Variants in DENND1A observed in about 807,000 individuals in gnomAD.
DENND1A encodes the protein DENN domain containing 1A.
DENND1A carries 51 observed loss-of-function variants against 113.7 expected under a neutral mutation model. That is an observed-to-expected ratio of 0.45 (90% CI 0.36 to 0.57). The LOEUF (loss-of-function observed/expected upper bound fraction) is 0.57, where lower values mean the gene tolerates loss of function less well. Among genes scored for constraint, DENND1A ranks in the 20% least tolerant of loss-of-function variants. DENND1A has a pLI of 0.00. For synonymous variants in DENND1A, 565 were observed against 570.8 expected (o/e 0.99, Z 0.14); for missense variants, 1,258 against 1,395.9 (o/e 0.90, Z 1.57).
chr9:123,465,650 T>A (rs2133201124), intron 13 of DENND1A, among the ~76,000 whole-genome samples: 1 of 152,314 alleles, frequency 6.6e-6, no homozygotes, highest in East Asian at 1.9e-4. Flanking sequence ...GCTGGCAACA[T>A]AATATGCAAG....
At chr9:123,707,402 G>GA (rs111625198) in intron 5 of DENND1A, among the ~76,000 whole-genome samples, 15,481 of 136,574 alleles carry the variant, frequency 0.11, 989 homozygotes, top group African/African-American at 0.19. Flanking sequence ...TCTCAAAAAG[G>GA]AAAAAAAAAA....
chr9:123,386,912 A>G (rs915381348), intron 22 of DENND1A, among the ~76,000 whole-genome samples: 1 of 152,168 alleles, frequency 6.6e-6, no homozygotes, highest in Non-Finnish European at 1.5e-5. Context: ...GACATGAGGG[A>G]GAGGGAGGGA....
intron 4 of DENND1A, among the ~76,000 whole-genome samples, chr9:123,761,668 G>T (rs896212819): frequency 1.3e-5 from 2 of 152,158 alleles, no homozygotes; most frequent in Non-Finnish European, 2.9e-5. Flanking sequence ...GGGTGAAGTA[G>T]AAGTCGACAA....
In DENND1A at chr9:123,448,509, C is replaced by T. The variant is rs921531429; in HGVS notation, c.1356+2184G>A. Among the ~76,000 whole-genome samples, 4 of 152,302 alleles carry T rather than the reference C, an allele frequency of 2.6e-5. No homozygotes were observed. In the East Asian group the frequency reaches 5.8e-4, roughly 22 times the overall value. On this transcript the variant is annotated intron_variant, in intron 18 of 23. Coordinates refer to ENST00000394215, the MANE Select transcript of DENND1A (RefSeq NM_001352964.2). Reference sequence around the variant, plus strand: ...GGATATTCTGATACCAACGAGCCTACGATCCAGGCATCAAGGAGGGAAAAC... The same window carrying T: ...GGATATTCTGATACCAACGAGCCTATGATCCAGGCATCAAGGAGGGAAAAC...
intron 11 of DENND1A, among the ~76,000 whole-genome samples, chr9:123,592,254 A>C (rs548729578): frequency 6.6e-6 from 1 of 152,366 alleles, no homozygotes; most frequent in African/African-American, 2.4e-5. Context: ...TTCAGAACAA[A>C]GGAAAATGCG....
intron 5 of DENND1A, among the ~76,000 whole-genome samples, chr9:123,724,687 A>G (rs1220179752): frequency 1.3e-5 from 2 of 150,018 alleles, no homozygotes; most frequent in African/African-American, 2.5e-5. Flanking sequence ...ACAGAAGCCA[A>G]ACCATAACCT....
At chr9:123,503,089 G>A (rs571435981) in intron 13 of DENND1A, among the ~76,000 whole-genome samples, 2 of 152,116 alleles carry the variant, frequency 1.3e-5, no homozygotes, top group Non-Finnish European at 2.9e-5. Context: ...ATTATGTCAG[G>A]TGCTTCACAT....
At chr9:123,562,129 C>T (rs2057792224) in intron 12 of DENND1A, among the ~76,000 whole-genome samples, 1 of 152,118 alleles carries the variant, frequency 6.6e-6, no homozygotes, top group Non-Finnish European at 1.5e-5. Flanking sequence ...CCCTTCGGTG[C>T]CCCCGCCCTT....
chr9:123,382,090 G>T lies in DENND1A; in HGVS notation c.2555C>A (p.Thr852Lys). The change falls in exon 24 of 24, where the codon ACA (threonine) becomes AAA (lysine). Residue 852 changes from threonine (T) to lysine (K), a missense_variant. Physicochemically the swap from Thr to Lys is moderately conservative, Grantham distance 78 (BLOSUM62 -1). Around this residue, in one of 2 missense-constraint regions of DENND1A, gnomAD observed 1,159 missense variants for 1,231.7 expected, o/e 0.94. Coordinates refer to ENST00000394215, the MANE Select transcript of DENND1A (RefSeq NM_001352964.2). ...ALLALLDPLS[T>K]AWSGSTLPSR... Reference sequence around the variant, plus strand: ...CGGGAGGGTGCTGCCTGACCAGGCTGTGCTGAGCGGGTCCAGGAGGGCGAG... The same window carrying T: ...CGGGAGGGTGCTGCCTGACCAGGCTTTGCTGAGCGGGTCCAGGAGGGCGAG... The T allele has an allele frequency of 1.9e-6, 3 of 1,545,430 alleles. No individual in the cohort carries two copies. The highest frequency in any genetic ancestry group is 2.6e-6 in the Non-Finnish European group (3 of 1,147,106).
chr9:123,774,489 T>C (rs1830184619), intron 3 of DENND1A, among the ~76,000 whole-genome samples: 1 of 152,172 alleles, frequency 6.6e-6, no homozygotes, highest in South Asian at 2.1e-4. Context: ...AATAAAATTT[T>C]TCTCCTTCAC....
At chr9:123,689,479 G>A (rs2140352638) in intron 5 of DENND1A, among the ~76,000 whole-genome samples, 1 of 152,234 alleles carries the variant, frequency 6.6e-6, no homozygotes, top group South Asian at 2.1e-4. Context: ...TAAATATTGT[G>A]ACAATTTTTT....
chr9:123,617,651 A>G (rs1048160434), intron 10 of DENND1A, among the ~76,000 whole-genome samples: 1 of 152,342 alleles, frequency 6.6e-6, no homozygotes, highest in East Asian at 1.9e-4. Context: ...GGAAGGCGAC[A>G]GACTCGGAAA....
At chr9:123,674,907 C>A (rs934587347) in intron 6 of DENND1A, among the ~76,000 whole-genome samples, 2 of 149,328 alleles carry the variant, frequency 1.3e-5, no homozygotes, top group Non-Finnish European at 3.0e-5. Context: ...CCAATTCAAA[C>A]CTGTTAAGAG....
intron 3 of DENND1A, among the ~76,000 whole-genome samples, chr9:123,791,665 G>T (rs1232269850): frequency 6.6e-6 from 1 of 151,754 alleles, no homozygotes; most frequent in Non-Finnish European, 1.5e-5. Flanking sequence ...CACTGTACTG[G>T]GTATTTCTAT....
At chr9:123,622,217 A>G (rs1194154704) in intron 10 of DENND1A, among the ~76,000 whole-genome samples, 1 of 152,224 alleles carries the variant, frequency 6.6e-6, no homozygotes, top group Non-Finnish European at 1.5e-5. Flanking sequence ...CCTTTGGGGG[A>G]AAAGCATGAG....
At chr9:123,876,016 C>T (rs1294027569) in intron 2 of DENND1A, among the ~76,000 whole-genome samples, 1 of 152,190 alleles carries the variant, frequency 6.6e-6, no homozygotes, top group East Asian at 1.9e-4. Flanking sequence ...TTAAACTATA[C>T]ATATGTTTTA....
intron 12 of DENND1A, among the ~76,000 whole-genome samples, chr9:123,558,584 G>T (rs917111521): frequency 3.9e-5 from 6 of 152,190 alleles, no homozygotes; most frequent in Admixed American, 2.0e-4. Context: ...GATGAAGGTT[G>T]TGAGACTCCA....
intron 13 of DENND1A, among the ~76,000 whole-genome samples, chr9:123,542,066 A>T (rs2056329974): frequency 6.6e-6 from 1 of 152,220 alleles, no homozygotes; most frequent in Non-Finnish European, 1.5e-5. Flanking sequence ...GAAATTAGAC[A>T]TCTGTTAGAT....
chr9:123,779,872 CT>C (rs72419269), intron 3 of DENND1A, among the ~76,000 whole-genome samples: 1 of 143,880 alleles, frequency 7.0e-6, no homozygotes, highest in Non-Finnish European at 1.5e-5. Context: ...TTGCATGAGA[CT>C]TTTTTTTGAG....
Sources: allele counts gnomAD v4.1 joint callset (sites outside exome capture counted in the v4.1 genomes callset), GRCh38; gene constraint gnomAD v4.1.1; regional missense constraint gnomAD v4.1.1; transcripts MANE v1.5; gene names NCBI Gene and HGNC (gene_info 2026-07-23, HGNC 2026-07-21).